Variants in ELMO1 observed in about 807,000 individuals in gnomAD.
The protein encoded by ELMO1 is engulfment and cell motility protein 1.
Under a neutral mutation model 98.9 loss-of-function variants are expected in ELMO1, and 26 were observed. The observed-to-expected ratio is 0.26, with a 90% CI of 0.19 to 0.36. The LOEUF is 0.36. Ranked by LOEUF, ELMO1 falls within the 10% of genes least tolerant of loss-of-function variation. The pLI is 1.00. For missense variants in ELMO1, 627 were observed against 935.2 expected, an observed-to-expected ratio of 0.67 and a Z score of 4.30; for synonymous variants, 346 against 346.0, an observed-to-expected ratio of 1.00 and a Z score of 0.00.
chr7:37,180,855 G>C (rs1790819612), intron 13 of ELMO1, among the ~76,000 whole-genome samples: 1 of 151,844 alleles, frequency 6.6e-6, no homozygotes, highest in East Asian at 1.9e-4. Flanking sequence ...CAGAGAAAGA[G>C]AGAAAGCAAA....
intron 1 of ELMO1, among the ~76,000 whole-genome samples, chr7:37,380,768 T>G (rs961383888): frequency 6.6e-6 from 1 of 152,220 alleles, no homozygotes; most frequent in African/African-American, 2.4e-5. Flanking sequence ...TAAAGACACT[T>G]TCTTTGATAC....
intron 19 of ELMO1, among the ~76,000 whole-genome samples, chr7:36,874,107 A>G (rs1803758870): frequency 6.6e-6 from 1 of 152,258 alleles, no homozygotes; most frequent in Non-Finnish European, 1.5e-5. Flanking sequence ...TTTGAATTCT[A>G]CATCCACCAA....
chr7:37,309,330 G>C (rs992984594), intron 4 of ELMO1, among the ~76,000 whole-genome samples: 2 of 152,162 alleles, frequency 1.3e-5, no homozygotes, highest in African/African-American at 2.4e-5. Flanking sequence ...CCTCCCCCTT[G>C]ATTCAATTAT....
chr7:37,311,348 A>G (rs1053793746), intron 4 of ELMO1, among the ~76,000 whole-genome samples: 26 of 151,948 alleles, frequency 1.7e-4, no homozygotes, highest in African/African-American at 6.3e-4. Context: ...TTCTGAAAAA[A>G]ATTTTCTGAA....
intron 13 of ELMO1, among the ~76,000 whole-genome samples, chr7:37,204,634 GC>G (rs1254940805): frequency 6.6e-6 from 1 of 152,164 alleles, no homozygotes; most frequent in East Asian, 1.9e-4. Flanking sequence ...CCCTTCTTTG[GC>G]CCCGCCCATA....
At chr7:37,250,047 C>G (rs1337201663) in intron 6 of ELMO1, among the ~76,000 whole-genome samples, 1 of 151,924 alleles carries the variant, frequency 6.6e-6, no homozygotes, top group Non-Finnish European at 1.5e-5. Flanking sequence ...CCACTGCACT[C>G]CAGCCTAGGC....
At chr7:36,889,796 G>C (rs1181747473) in intron 17 of ELMO1, among the ~76,000 whole-genome samples, 2 of 152,128 alleles carry the variant, frequency 1.3e-5, no homozygotes, top group African/African-American at 4.8e-5. Flanking sequence ...AGAATCTGCT[G>C]CTACAAGAGT....
At chr7:37,420,654 A>C (rs1437027600) in intron 1 of ELMO1, among the ~76,000 whole-genome samples, 1 of 152,214 alleles carries the variant, frequency 6.6e-6, no homozygotes, top group Non-Finnish European at 1.5e-5. Context: ...GTGTAACTCC[A>C]CTGACCACTT....
At chr7:37,108,526 G>A (rs947666458) in intron 14 of ELMO1, among the ~76,000 whole-genome samples, 1 of 152,202 alleles carries the variant, frequency 6.6e-6, no homozygotes. Context: ...CGTCCCTGGG[G>A]GCACACCGGG....
At chr7:37,447,381 C>T (rs1230385775) in intron 1 of ELMO1, among the ~76,000 whole-genome samples, 1 of 152,036 alleles carries the variant, frequency 6.6e-6, no homozygotes, top group Non-Finnish European at 1.5e-5. Context: ...TCATTCAAGG[C>T]CAGCGGTGTT....
chr7:37,399,051 C>T (rs2724010), intron 1 of ELMO1, among the ~76,000 whole-genome samples: 146,590 of 152,260 alleles, frequency 0.96, 70,815 homozygotes, highest in East Asian at 1. Context: ...CTTGGGTGAA[C>T]GGCGATCCTC....
At chr7:36,979,284 A>G (rs1226706965) in intron 16 of ELMO1, among the ~76,000 whole-genome samples, 4 of 152,222 alleles carry the variant, frequency 2.6e-5, no homozygotes, top group Non-Finnish European at 5.9e-5. Context: ...CATACATATT[A>G]TAATTTACTA....
chr7:36,945,261 T>G (rs1007691324), intron 16 of ELMO1, among the ~76,000 whole-genome samples: 1 of 152,252 alleles, frequency 6.6e-6, no homozygotes, highest in African/African-American at 2.4e-5. Context: ...ATTGCTATCT[T>G]AGGTACCTTC....
At chr7:37,239,106 A>G (rs547267793) in intron 7 of ELMO1, among the ~76,000 whole-genome samples, 1 of 152,294 alleles carries the variant, frequency 6.6e-6, no homozygotes, top group East Asian at 1.9e-4. Flanking sequence ...TCTATAATAT[A>G]TAATATAGAA....
chr7:36,872,884 T>C (rs1803644109), intron 19 of ELMO1, among the ~76,000 whole-genome samples: 1 of 152,182 alleles, frequency 6.6e-6, no homozygotes, highest in African/African-American at 2.4e-5. Context: ...GCATGGTCCA[T>C]GAACTAGAGA....
intron 20 of ELMO1, chr7:36,862,217 A>G (rs1802695775): frequency 1.2e-5 from 2 of 169,144 alleles, no homozygotes; most frequent in Non-Finnish European, 1.3e-5. Flanking sequence ...AGAGGCCCAC[A>G]GAGGTATGAA....
At chr7:37,368,859 G>A (rs559443590) in intron 1 of ELMO1, among the ~76,000 whole-genome samples, 2 of 152,230 alleles carry the variant, frequency 1.3e-5, no homozygotes, top group South Asian at 4.1e-4. Flanking sequence ...GGACTACATT[G>A]GGCTATTGGT....
At chr7:37,107,118 T>C (rs946704914) in intron 14 of ELMO1, among the ~76,000 whole-genome samples, 1 of 152,232 alleles carries the variant, frequency 6.6e-6, no homozygotes, top group African/African-American at 2.4e-5. Flanking sequence ...TAAGCAATTA[T>C]TGCTGAGCAA....
intron 14 of ELMO1, among the ~76,000 whole-genome samples, chr7:37,125,123 AC>A (rs1431449067): frequency 6.6e-6 from 1 of 152,030 alleles, no homozygotes; most frequent in Non-Finnish European, 1.5e-5. Flanking sequence ...TACACCTTAT[AC>A]AAAAATTAAT....
Sources: allele counts gnomAD v4.1 joint callset (sites outside exome capture counted in the v4.1 genomes callset), GRCh38; gene constraint gnomAD v4.1.1; transcripts MANE v1.5; gene names NCBI Gene and HGNC (gene_info 2026-07-23, HGNC 2026-07-21).